Variants in PEPD observed in about 807,000 individuals in gnomAD.
PEPD encodes peptidase D.
Under a neutral mutation model 60.7 loss-of-function variants are expected in PEPD, and 53 were observed. The ratio of observed to expected loss-of-function variants is 0.87; its 90% CI spans 0.70 to 1.10. The LOEUF is 1.10. PEPD is among the 50% of genes least tolerant of loss of function. The probability of loss-of-function intolerance (pLI) is 0.00; values close to 1 mark genes in which losing one functional copy is unlikely to be tolerated. For missense variants in PEPD, 711 were observed against 711.9 expected (o/e 1.00, Z 0.01); for synonymous variants, 267 against 284.1 (o/e 0.94, Z 0.60).
chr19:33,391,483 TG>T lies in PEPD; in HGVS notation c.968-5del. On this transcript the variant is annotated splice_region_variant and splice_polypyrimidine_tract_variant and intron_variant, in intron 12 of 14. Transcript: ENST00000244137. ...TGCATGTCAGGCCACCAGACACCTGTGGGCCAGAGGGAGCTGCCGTGAGCCA... is the reference window on the plus strand; with the variant it reads ...TGCATGTCAGGCCACCAGACACCTGTGGCCAGAGGGAGCTGCCGTGAGCCA... 6.5e-7 allele frequency: 1 copy of T among 1,548,986 alleles called. No homozygotes were observed. Among genetic ancestry groups the T allele is most frequent in the Non-Finnish European group, 8.7e-7 (1 of 1,146,922 alleles).
chr19:33,490,100 C>G, intron 5 of PEPD, 43 bp from the exon 6 acceptor site: 1 of 1,419,904 alleles, frequency 7.0e-7, no homozygotes, highest in Non-Finnish European at 9.9e-7. Context: ...GGCCGCATGG[C>G]GCCCCCACAG....
chr19:33,440,022 G>T (rs1309706007), intron 9 of PEPD, among the ~76,000 whole-genome samples: 2 of 152,132 alleles, frequency 1.3e-5, no homozygotes, highest in African/African-American at 4.8e-5. Context: ...TGCCAGAGAG[G>T]TTCTTAAATG....
At chr19:33,408,723 C>A (rs544575622) in intron 11 of PEPD, among the ~76,000 whole-genome samples, 7 of 152,194 alleles carry the variant, frequency 4.6e-5, no homozygotes, top group Non-Finnish European at 8.8e-5. Context: ...GGGAGGCGCT[C>A]GGCTTCGGGG....
intron 7 of PEPD, among the ~76,000 whole-genome samples, chr19:33,465,024 ACT>A (rs563801601): frequency 1.1e-3 from 174 of 152,112 alleles, no homozygotes; most frequent in African/African-American, 4.0e-3. Context: ...CAAGATCCCT[ACT>A]CTGTGCCTCG....
rs151068800 is a variant in PEPD at position 33,502,416 on chromosome 19, T to C, written c.330-1415A>G. Among the ~76,000 whole-genome samples, 1,233 of 152,154 alleles carry C rather than the reference T, an allele frequency of 8.1e-3. 15 individuals are homozygous for C. Among genetic ancestry groups the C allele is most frequent in the African/African-American group, 0.029 (1,197 of 41,498 alleles). On this transcript the variant is annotated intron_variant, in intron 3 of 14. Transcript: ENST00000244137. ...GCAGGAGAATAGGGTCGGGAGGCGT[T>C]AGGGCTTTTTCATGCTGACTTCCTA...
intron 9 of PEPD, among the ~76,000 whole-genome samples, chr19:33,435,850 G>C (rs114248282): frequency 6.6e-6 from 1 of 152,222 alleles, no homozygotes; most frequent in Non-Finnish European, 1.5e-5. Context: ...TGAGGCCAGG[G>C]GGTGCCCTCC....
At chr19:33,516,032 G>A (rs779370018) in intron 1 of PEPD, among the ~76,000 whole-genome samples, 2 of 152,206 alleles carry the variant, frequency 1.3e-5, no homozygotes, top group East Asian at 3.9e-4. Flanking sequence ...ATTTCTCCAT[G>A]GGGCTCCGCC....
chr19:33,459,557 G>C (rs1424370402), intron 9 of PEPD, among the ~76,000 whole-genome samples: 1 of 152,068 alleles, frequency 6.6e-6, no homozygotes, highest in African/African-American at 2.4e-5. Flanking sequence ...ACGTCTTATT[G>C]GTTTAACACA....
intron 9 of PEPD, among the ~76,000 whole-genome samples, chr19:33,443,040 A>G (rs1969514427): frequency 6.6e-6 from 1 of 152,180 alleles, no homozygotes; most frequent in South Asian, 2.1e-4. Flanking sequence ...TAACATTTTT[A>G]TTACCCACCA....
intron 9 of PEPD, among the ~76,000 whole-genome samples, chr19:33,462,614 C>T (rs1254500054): frequency 2.6e-5 from 4 of 152,194 alleles, no homozygotes; most frequent in Admixed American, 6.5e-5. Context: ...TCAACCCAGT[C>T]GCCCGAGCAC....
chr19:33,430,754 G>A (rs1969253813), intron 9 of PEPD, among the ~76,000 whole-genome samples: 1 of 152,110 alleles, frequency 6.6e-6, no homozygotes, highest in Non-Finnish European at 1.5e-5. Flanking sequence ...ACTGGCCCCA[G>A]GGGGCTTCTT....
chr19:33,472,799 T>C (rs1049649055), intron 7 of PEPD, among the ~76,000 whole-genome samples: 1 of 152,112 alleles, frequency 6.6e-6, no homozygotes, highest in African/African-American at 2.4e-5. Flanking sequence ...CTCCTGGAGA[T>C]GGATGTGCAG....
intron 6 of PEPD, among the ~76,000 whole-genome samples, chr19:33,481,582 A>G (rs1333097184): frequency 6.6e-6 from 1 of 152,188 alleles, no homozygotes; most frequent in Non-Finnish European, 1.5e-5. Context: ...CAAAAAAAAG[A>G]AAGAAATAGA....
rs756898414 is a variant in PEPD, at chr19:33,387,950, G to A, written c.1284C>T (p.Asp428=). 6 of 1,597,672 alleles carry A rather than the reference G, an allele frequency of 3.8e-6. No individual in the cohort carries two copies. The highest frequency in any genetic ancestry group is 4.3e-6 in the Non-Finnish European group (5 of 1,172,942). Residue 428 remains aspartate (D), a synonymous_variant, in exon 14 of 15, where the codon GAC becomes GAT. Transcript: ENST00000244137. The part of the protein sequence containing the change: ...IDHLLDEALA[D]PARASFLNRE... ...GGTTAAGGAAGGAGGCGCGGGCCGG[G>A]TCCGCCAGGGCCTCATCCAGGAGGT... is the stretch of plus-strand genomic sequence containing the variant.
chr19:33,434,459 T>A (rs879421812), intron 9 of PEPD, among the ~76,000 whole-genome samples: 2 of 152,110 alleles, frequency 1.3e-5, no homozygotes, highest in African/African-American at 2.4e-5. Context: ...TTGAAGCTCA[T>A]CACTTTGTGG....
intron 6 of PEPD, among the ~76,000 whole-genome samples, chr19:33,485,318 C>T (rs1234684700): frequency 3.3e-5 from 5 of 152,040 alleles, no homozygotes; most frequent in South Asian, 2.1e-4. Flanking sequence ...ACATGGTGAA[C>T]GCTGTCTCTA....
chr19:33,463,682 T>G (rs4805889), intron 8 of PEPD, among the ~76,000 whole-genome samples: 14,723 of 152,218 alleles, frequency 0.097, 915 homozygotes, highest in Admixed American at 0.18. Flanking sequence ...TGCTGGGATA[T>G]GAAGAAGGAG....
At chr19:33,515,986 C>T (rs1971015854) in intron 1 of PEPD, among the ~76,000 whole-genome samples, 2 of 152,190 alleles carry the variant, frequency 1.3e-5, no homozygotes, top group African/African-American at 4.8e-5. Flanking sequence ...CTTGAACACT[C>T]AGCTGCCACT....
In PEPD at chr19:33,396,254, A is replaced by C. The variant is rs7247349; in HGVS notation, c.968-4775T>G. 0.53 allele frequency: 80,973 copies of C among 152,386 alleles called. 22,705 individuals carry two copies. The highest frequency in any genetic ancestry group is 0.69 in the African/African-American group (28,747 of 41,466). 9.4% of individuals were successfully genotyped at this position (152,386 alleles called of 1,614,324 possible). On this transcript the variant is annotated intron_variant, in intron 12 of 14. Coordinates refer to ENST00000244137, the MANE Select transcript of PEPD (RefSeq NM_000285.4). The stretch of plus-strand genomic sequence containing the variant: ...GCCGTCTCGGAGGATGAGGACTGAC[A>C]GGAAGTCTAGCTGCTGGGCCCCTGC...
Sources: gnomAD v4.1 joint callset for allele counts (sites outside exome capture counted in the v4.1 genomes callset) on GRCh38, gnomAD v4.1.1 for gene constraint, MANE v1.5 for transcripts, NCBI Gene and HGNC (gene_info 2026-07-23, HGNC 2026-07-21) for gene names.